The following CSMD1 variants were observed in gnomAD, a reference collection of about 807,000 sequenced individuals.
The protein encoded by CSMD1 is CUB and Sushi multiple domains 1.
A neutral mutation model predicts 417.5 loss-of-function variants in CSMD1; 213 were observed. The observed-to-expected ratio is 0.51, with a 90% CI of 0.46 to 0.57. The LOEUF (loss-of-function observed/expected upper bound fraction) is 0.57. CSMD1 is among the 20% of genes least tolerant of loss of function. The probability of loss-of-function intolerance (pLI) is 0.00; values close to 1 mark genes in which losing one functional copy is unlikely to be tolerated. For missense variants in CSMD1, 6,923 were observed against 4,529.7 expected, an observed-to-expected ratio of 1.53 and a Z score of -15.17; for synonymous variants, 2,862 against 1,736.8, an observed-to-expected ratio of 1.65 and a Z score of -16.11.
intron 9 of CSMD1, among the ~76,000 whole-genome samples, chr8:3,584,474 G>A (rs112291268): frequency 1.4e-4 from 21 of 152,146 alleles, no homozygotes; most frequent in Non-Finnish European, 2.4e-4. Flanking sequence ...TGAGAAGGAT[G>A]GGAGAAATGT....
intron 7 of CSMD1, among the ~76,000 whole-genome samples, chr8:3,671,036 G>A (rs1341970148): frequency 1.5e-5 from 2 of 133,434 alleles, no homozygotes; most frequent in East Asian, 2.2e-4. Flanking sequence ...ATATGCATAT[G>A]GGATATATAT....
chr8:4,743,913 C>T (rs141976167), intron 1 of CSMD1, among the ~76,000 whole-genome samples: 1 of 152,156 alleles, frequency 6.6e-6, no homozygotes, highest in African/African-American at 2.4e-5. Flanking sequence ...CCGATTAAAG[C>T]TAGAAGTTTA....
At chr8:4,906,105 T>A (rs952357703) in intron 1 of CSMD1, among the ~76,000 whole-genome samples, 1 of 152,178 alleles carries the variant, frequency 6.6e-6, no homozygotes, top group Non-Finnish European at 1.5e-5. Flanking sequence ...CAAATTATCC[T>A]TGTATGATAT....
chr8:3,483,382 A>G (rs1489624406), intron 11 of CSMD1, among the ~76,000 whole-genome samples: 4 of 152,224 alleles, frequency 2.6e-5, no homozygotes, highest in South Asian at 4.1e-4. Flanking sequence ...TCAACATATT[A>G]TTAGATATAA....
intron 2 of CSMD1, among the ~76,000 whole-genome samples, chr8:4,427,740 TA>T (rs1797645289): frequency 6.6e-6 from 1 of 151,200 alleles, no homozygotes; most frequent in African/African-American, 2.5e-5. Flanking sequence ...ACTATTAATA[TA>T]AAGTATATAA....
chr8:4,833,185 A>G (rs1800254691), intron 1 of CSMD1, among the ~76,000 whole-genome samples: 2 of 152,230 alleles, frequency 1.3e-5, no homozygotes, highest in South Asian at 2.1e-4. Context: ...AAAAAAAACT[A>G]TGTGAGACTG....
intron 2 of CSMD1, among the ~76,000 whole-genome samples, chr8:4,630,166 C>A (rs144608167): frequency 6.6e-6 from 1 of 152,058 alleles, no homozygotes; most frequent in Non-Finnish European, 1.5e-5. Flanking sequence ...GTATTGCAAA[C>A]ATAATTATTA....
At chr8:4,131,161 A>G (rs563659557) in intron 3 of CSMD1, among the ~76,000 whole-genome samples, 1 of 152,272 alleles carries the variant, frequency 6.6e-6, no homozygotes, top group African/African-American at 2.4e-5. Context: ...TTTTAGACAA[A>G]AGACTGAGAG....
In CSMD1 at chr8:3,206,413, G is replaced by C. The variant is rs925248065; in HGVS notation, c.4868-793C>G. On this transcript the variant is annotated intron_variant, in intron 30 of 69. Transcript: ENST00000635120. Reference sequence around the variant, plus strand: ...TATGTGTGTGTGGGGGGTTATGTCTGTGTGTGTATGTGTGTGTGTGGGTGT... The same window carrying C: ...TATGTGTGTGTGGGGGGTTATGTCTCTGTGTGTATGTGTGTGTGTGGGTGT... 3.1e-5 allele frequency among the ~76,000 whole-genome samples: 4 copies of C among 128,222 alleles called. No homozygotes were observed. The Admixed American group carries it at 3.4e-4, about 11-fold the overall frequency. The allele number at this position is 128,222 out of a possible 152,430, so 84.1% of individuals were successfully genotyped here.
At chr8:3,215,680 C>A (rs538425800) in intron 29 of CSMD1, among the ~76,000 whole-genome samples, 4 of 152,048 alleles carry the variant, frequency 2.6e-5, no homozygotes, top group South Asian at 4.1e-4. Context: ...TTCTGGTAGC[C>A]TTAATATTTT....
At chr8:4,764,904 C>CA (rs113966698) in intron 1 of CSMD1, among the ~76,000 whole-genome samples, 95,433 of 122,000 alleles carry the variant, frequency 0.78, 37,951 homozygotes, top group African/African-American at 0.83. Context: ...ACAACAACAA[C>CA]AAAAAAAAAC....
intron 12 of CSMD1, among the ~76,000 whole-genome samples, chr8:3,421,608 C>G (rs1181547053): frequency 1.3e-5 from 2 of 151,988 alleles, no homozygotes; most frequent in Non-Finnish European, 2.9e-5. Context: ...AAAAAAAATC[C>G]CCAGATTTCT....
chr8:3,319,999 T>C (rs1290500202), intron 23 of CSMD1, among the ~76,000 whole-genome samples: 1 of 152,118 alleles, frequency 6.6e-6, no homozygotes, highest in Non-Finnish European at 1.5e-5. Flanking sequence ...AGAAACCAAG[T>C]GAATAGACCG....
intron 7 of CSMD1, among the ~76,000 whole-genome samples, chr8:3,617,675 G>C (rs542112734): frequency 6.6e-6 from 1 of 152,284 alleles, no homozygotes; most frequent in South Asian, 2.1e-4. Context: ...CAAGGATGGA[G>C]ACAACAGCAT....
intron 3 of CSMD1, among the ~76,000 whole-genome samples, chr8:4,153,976 G>T (rs1164387174): frequency 1.3e-5 from 2 of 152,168 alleles, no homozygotes; most frequent in Admixed American, 1.3e-4. Flanking sequence ...GCAAATTACT[G>T]AGAAGGCAGA....
At chr8:4,787,780 A>C (rs1225336547) in intron 1 of CSMD1, 2 of 1,572,926 alleles carry the variant, frequency 1.3e-6, no homozygotes, top group African/African-American at 2.7e-5. Flanking sequence ...TGGACTTGTT[A>C]CAGGCCAGAC....
chr8:4,821,064 G>A (rs992730936), intron 1 of CSMD1, among the ~76,000 whole-genome samples: 1 of 152,054 alleles, frequency 6.6e-6, no homozygotes, highest in Non-Finnish European at 1.5e-5. Flanking sequence ...ATGTGGAGGG[G>A]AAAGAGATCT....
intron 7 of CSMD1, among the ~76,000 whole-genome samples, chr8:3,645,804 G>A (rs528482246): frequency 2.0e-5 from 3 of 152,238 alleles, no homozygotes; most frequent in South Asian, 4.1e-4. Context: ...AAACAAAGCT[G>A]TCTATTCAAA....
intron 1 of CSMD1, among the ~76,000 whole-genome samples, chr8:4,802,261 G>A (rs548198784): frequency 3.8e-4 from 58 of 152,112 alleles, no homozygotes; most frequent in African/African-American, 1.3e-3. Context: ...CTTTTCCTCT[G>A]CCTGCCTCAG....
Sources: gnomAD v4.1 joint callset for allele counts (sites outside exome capture counted in the v4.1 genomes callset) on GRCh38, gnomAD v4.1.1 for gene constraint, MANE v1.5 for transcripts, NCBI Gene and HGNC (gene_info 2026-07-23, HGNC 2026-07-21) for gene names.